Variants in PREP observed in about 807,000 individuals in gnomAD.
PREP encodes dJ355L5.1 (prolyl endopeptidase).
Under a neutral mutation model 87.6 loss-of-function variants are expected in PREP, and 29 were observed. The ratio of observed to expected loss-of-function variants is 0.33; its 90% CI spans 0.25 to 0.45. The LOEUF is 0.45. Ranked by LOEUF, PREP falls within the 20% of genes least tolerant of loss-of-function variation. The pLI is 1.00. For synonymous variants in PREP, 337 were observed against 328.6 expected, an observed-to-expected ratio of 1.03 and a Z score of -0.28; for missense variants, 695 against 886.5, an observed-to-expected ratio of 0.78 and a Z score of 2.74.
At chr6:105,345,014 A>G (rs1232049525) in intron 7 of PREP, among the ~76,000 whole-genome samples, 2 of 152,238 alleles carry the variant, frequency 1.3e-5, no homozygotes, top group Non-Finnish European at 2.9e-5. Context: ...TAAAATTGGA[A>G]AAATAGTCCA....
At chr6:105,329,678 T>C (rs12193826) in intron 8 of PREP, among the ~76,000 whole-genome samples, 21,006 of 152,232 alleles carry the variant, frequency 0.14, 1,510 homozygotes, top group South Asian at 0.2. Context: ...TCTGACAGGA[T>C]TGTTTATTAG....
chr6:105,398,727 T>C (rs1038885896), intron 1 of PREP, among the ~76,000 whole-genome samples: 3 of 152,058 alleles, frequency 2.0e-5, no homozygotes, highest in Admixed American at 2.0e-4. Flanking sequence ...AGAAACAGTT[T>C]TCACCACTCC....
At chr6:105,353,565 A>C (rs952565279) in intron 6 of PREP, among the ~76,000 whole-genome samples, 8 of 152,030 alleles carry the variant, frequency 5.3e-5, no homozygotes, top group Admixed American at 5.2e-4. Context: ...TGAGGTCAGG[A>C]GTTCAAGACC....
intron 14 of PREP, chr6:105,280,627 G>A (rs911248612): frequency 7.9e-5 from 12 of 151,882 alleles, no homozygotes; most frequent in African/African-American, 2.7e-4. Context: ...ACAGGGTCTT[G>A]GAATGCAGTG....
At chr6:105,307,250 C>T (rs757719813) in intron 10 of PREP, among the ~76,000 whole-genome samples, 1 of 152,132 alleles carries the variant, frequency 6.6e-6, no homozygotes, top group Non-Finnish European at 1.5e-5. Flanking sequence ...TTCCCTTCTT[C>T]ACTCCTCAGT....
chr6:105,356,498 C>T (rs1485780565), intron 6 of PREP, among the ~76,000 whole-genome samples: 1 of 152,198 alleles, frequency 6.6e-6, no homozygotes, highest in Admixed American at 6.5e-5. Context: ...AGGCAGATAC[C>T]TGAAACTCTT....
intron 10 of PREP, among the ~76,000 whole-genome samples, chr6:105,290,590 C>T (rs1166707997): frequency 2.0e-5 from 3 of 151,792 alleles, no homozygotes; most frequent in Admixed American, 2.0e-4. Flanking sequence ...TCAGACCCTC[C>T]ATCATTCCCA....
intron 6 of PREP, among the ~76,000 whole-genome samples, chr6:105,359,481 T>C (rs1182880578): frequency 6.6e-6 from 1 of 152,162 alleles, no homozygotes; most frequent in Non-Finnish European, 1.5e-5. Context: ...GCTACACTGG[T>C]TTATGTTATC....
intron 14 of PREP, chr6:105,280,868 ACCCC>A (rs1375292380): frequency 1.3e-5 from 2 of 151,774 alleles, no homozygotes; most frequent in Non-Finnish European, 2.9e-5. Flanking sequence ...CATACTCAAC[ACCCC>A]CTTCCCCTAC....
chr6:105,315,879 C>A (rs1460979695), intron 10 of PREP, among the ~76,000 whole-genome samples: 1 of 152,178 alleles, frequency 6.6e-6, no homozygotes, highest in Non-Finnish European at 1.5e-5. Context: ...TTTCTCATGT[C>A]TTTTAGTCTT....
chr6:105,303,287 C>A (rs182779989), intron 10 of PREP, among the ~76,000 whole-genome samples: 78 of 151,916 alleles, frequency 5.1e-4, no homozygotes, highest in African/African-American at 1.8e-3. Flanking sequence ...ATGGTCTCAA[C>A]CTGCTAGCCT....
intron 2 of PREP, among the ~76,000 whole-genome samples, chr6:105,383,825 C>T (rs1772915455): frequency 6.6e-6 from 1 of 152,260 alleles, no homozygotes; most frequent in Admixed American, 6.5e-5. Context: ...CCCCATTAGG[C>T]TCCATTCTTT....
chr6:105,274,371 C>T lies in PREP; in HGVS notation c.*3773G>A, dbSNP rs146592786. 7.9e-5 allele frequency among the ~76,000 whole-genome samples: 12 copies of T among 152,280 alleles called. No individual in the cohort carries two copies. The East Asian group carries it at 1.4e-3, about 17-fold the overall frequency. ...TGAGGATTCCGCTCTCATGACCCAT[C>T]GCCTCCTGAAGGCCCTGCCTCCTAA... On this transcript the variant is annotated 3_prime_UTR_variant, in exon 15 of 15. Coordinates refer to ENST00000652536, the MANE Select transcript of PREP (RefSeq NM_002726.5).
At chr6:105,284,010 C>T (rs1405919749) in intron 12 of PREP, among the ~76,000 whole-genome samples, 1 of 152,104 alleles carries the variant, frequency 6.6e-6, no homozygotes, top group African/African-American at 2.4e-5. Context: ...AAACTACATA[C>T]AATTTAAATA....
intron 8 of PREP, among the ~76,000 whole-genome samples, chr6:105,332,297 C>T (rs769437011): frequency 1.3e-5 from 2 of 152,028 alleles, no homozygotes; most frequent in South Asian, 4.2e-4. Context: ...GCTCCCCTGC[C>T]ACCCCCAAGC....
At chr6:105,364,034 C>T (rs59439154) in intron 6 of PREP, among the ~76,000 whole-genome samples, 8,312 of 152,162 alleles carry the variant, frequency 0.055, 752 homozygotes, top group African/African-American at 0.19. Context: ...AAACAATTCC[C>T]AATAAGCAAA....
At chr6:105,295,973 C>T (rs865793755) in intron 10 of PREP, among the ~76,000 whole-genome samples, 2 of 152,128 alleles carry the variant, frequency 1.3e-5, no homozygotes, top group Admixed American at 6.5e-5. Context: ...CTGGTATTCT[C>T]GTGGTATGAT....
At chr6:105,378,823 A>C (rs763850300) in intron 2 of PREP, among the ~76,000 whole-genome samples, 20 of 152,222 alleles carry the variant, frequency 1.3e-4, no homozygotes, top group Admixed American at 2.6e-4. Context: ...TTTGAATGGC[A>C]GGGAAAAATG....
chr6:105,299,841 G>T (rs1398282498), intron 10 of PREP, among the ~76,000 whole-genome samples: 3 of 151,756 alleles, frequency 2.0e-5, no homozygotes, highest in African/African-American at 7.3e-5. Flanking sequence ...CCTATCTCTA[G>T]GGAATCCTGG....
Sources: gnomAD v4.1 joint callset for allele counts (sites outside exome capture counted in the v4.1 genomes callset) on GRCh38, gnomAD v4.1.1 for gene constraint, MANE v1.5 for transcripts, NCBI Gene and HGNC (gene_info 2026-07-23, HGNC 2026-07-21) for gene names.